The following FOXO3 variants were observed in gnomAD, a reference collection of about 807,000 sequenced individuals.
FOXO3 encodes the protein forkhead box O3.
FOXO3 carries 4 observed loss-of-function variants against 41.9 expected under a neutral mutation model. The observed-to-expected ratio is 0.10, with a 90% confidence interval of 0.05 to 0.22. The LOEUF (loss-of-function observed/expected upper bound fraction) is 0.22, where lower values mean the gene tolerates loss of function less well. Ranked by LOEUF, FOXO3 falls within the 10% of genes least tolerant of loss-of-function variation. FOXO3 has a pLI of 1.00. For synonymous variants in FOXO3, 318 were observed against 389.3 expected (o/e 0.82, Z 2.16); for missense variants, 534 against 906.8 (o/e 0.59, Z 5.28).
chr6:108,598,421 G>C (rs1025701473), intron 1 of FOXO3, among the ~76,000 whole-genome samples: 3 of 152,102 alleles, frequency 2.0e-5, no homozygotes, highest in African/African-American at 7.2e-5. Flanking sequence ...AGCAGTTGCT[G>C]AGTGATAAAC....
chr6:108,676,414 G>A (rs1770590878), intron 2 of FOXO3, among the ~76,000 whole-genome samples: 1 of 151,980 alleles, frequency 6.6e-6, no homozygotes, highest in East Asian at 1.9e-4. Context: ...ACTAGTTTTT[G>A]TATTTTTGGT....
chr6:108,594,301 C>T (rs184618783), intron 1 of FOXO3, among the ~76,000 whole-genome samples: 9 of 152,286 alleles, frequency 5.9e-5, no homozygotes, highest in Admixed American at 6.5e-5. Flanking sequence ...AGGAGAGTCC[C>T]TGTTCTTCTC....
intron 1 of FOXO3, among the ~76,000 whole-genome samples, chr6:108,589,945 A>G (rs904145597): frequency 2.0e-5 from 3 of 152,150 alleles, no homozygotes; most frequent in Admixed American, 6.5e-5. Context: ...AGCAGGTGCT[A>G]TTTTTTTCCA....
chr6:108,560,057 G>A (rs955822263), upstream of FOXO3: 1 of 152,204 alleles, frequency 6.6e-6, no homozygotes, highest in Admixed American at 6.5e-5. Context: ...CCTTCCCGGT[G>A]ACTCCGGATC....
intron 1 of FOXO3, among the ~76,000 whole-genome samples, chr6:108,583,542 C>T (rs1776488893): frequency 6.6e-6 from 1 of 152,196 alleles, no homozygotes; most frequent in African/African-American, 2.4e-5. Flanking sequence ...TTTGCAGTTT[C>T]ACCAGTCTTA....
At chr6:108,611,915 G>A (rs1045322640) in intron 1 of FOXO3, among the ~76,000 whole-genome samples, 7 of 152,052 alleles carry the variant, frequency 4.6e-5, no homozygotes, top group African/African-American at 1.7e-4. Context: ...TTAATATTTT[G>A]TATGAGTCTG....
At chr6:108,567,057 A>G (rs1192952939) in intron 1 of FOXO3, among the ~76,000 whole-genome samples, 1 of 152,208 alleles carries the variant, frequency 6.6e-6, no homozygotes, top group Non-Finnish European at 1.5e-5. Context: ...ACAGGAGTTC[A>G]TATTCTGATG....
rs572631051 is a variant in FOXO3, at chr6:108,677,983, A to G, written c.*35-1844A>G. ...AACTAAAACCTAGGGATAGACAGGA[A>G]GAAGAAAGAGGCTTCTTTTTATACT... On this transcript the variant is annotated intron_variant, in intron 2 of 2. Coordinates refer to ENST00000406360, the MANE Select transcript of FOXO3 (RefSeq NM_001455.4). 1.4e-4 allele frequency among the ~76,000 whole-genome samples: 22 copies of G among 152,336 alleles called. No individual in the cohort carries two copies. In the East Asian group the frequency reaches 4.2e-3, roughly 29 times the overall value.
At position 108,564,549 on chromosome 6, in the gene FOXO3, C is replaced by T. The variant is rs115850605; in HGVS notation, c.621+2720C>T. On this transcript the variant is annotated intron_variant, in intron 1 of 2. Coordinates refer to ENST00000406360, the MANE Select transcript of FOXO3 (RefSeq NM_001455.4). ...GCATAAAGGGCACGGTATGCAGGGC[C>T]TTACTTCTTTTCAGGCTATTTGGGC... Among the ~76,000 whole-genome samples the T allele has an allele frequency of 9.1e-3, 1,385 of 152,292 alleles. 19 individuals carry two copies. Among genetic ancestry groups the T allele is most frequent in the African/African-American group, 0.032 (1,310 of 41,560 alleles).
rs56888212 is a variant in FOXO3 at position 108,600,546 on chromosome 6, C to CAAAAA, written c.621+38740_621+38744dup. Among the ~76,000 whole-genome samples, 9 of 47,744 alleles carry CAAAAA rather than the reference C, an allele frequency of 1.9e-4. 1 individual carries two copies. The highest frequency in any genetic ancestry group is 3.1e-4 in the Non-Finnish European group (9 of 29,240). 31.3% of individuals were successfully genotyped at this position (47,744 alleles called of 152,430 possible). On this transcript the variant is annotated intron_variant, in intron 1 of 2. Transcript: ENST00000406360. ...TAGGTGACAGAGCAAGTCTCCATCTCAAAAAAAAAAAAAAAAAAAAAAAAA... is the reference window on the plus strand; with the variant it reads ...TAGGTGACAGAGCAAGTCTCCATCTCAAAAAAAAAAAAAAAAAAAAAAAAAAAAAA...
At chr6:108,598,691 T>G (rs1379316455) in intron 1 of FOXO3, among the ~76,000 whole-genome samples, 2 of 152,204 alleles carry the variant, frequency 1.3e-5, no homozygotes, top group Non-Finnish European at 2.9e-5. Context: ...TTCACCATCA[T>G]GGAAACAAAA....
At chr6:108,653,240 G>A (rs1381541957) in intron 1 of FOXO3, among the ~76,000 whole-genome samples, 1 of 152,092 alleles carries the variant, frequency 6.6e-6, no homozygotes, top group African/African-American at 2.4e-5. Flanking sequence ...CTATTTTGTG[G>A]CTCCTGCCCC....
chr6:108,588,219 T>G (rs1197176053), intron 1 of FOXO3, among the ~76,000 whole-genome samples: 1 of 152,248 alleles, frequency 6.6e-6, no homozygotes, highest in African/African-American at 2.4e-5. Flanking sequence ...TTTTTAATTA[T>G]TTTGAACTAT....
intron 1 of FOXO3, among the ~76,000 whole-genome samples, chr6:108,646,748 G>C (rs1457296922): frequency 6.6e-6 from 1 of 152,188 alleles, no homozygotes; most frequent in Non-Finnish European, 1.5e-5. Flanking sequence ...AAGAATGTCT[G>C]CTTCTTTCCT....
At position 108,574,551 on chromosome 6, in the gene FOXO3, A is replaced by G. The variant is rs1038406958; in HGVS notation, c.621+12722A>G. Reference sequence around the variant, plus strand: ...GCCAAATCAGAAATCATAATGAAAGATATTAAAATTATTTTGTGAGGTGGT... The same window carrying G: ...GCCAAATCAGAAATCATAATGAAAGGTATTAAAATTATTTTGTGAGGTGGT... On this transcript the variant is annotated intron_variant, in intron 1 of 2. Transcript: ENST00000406360. 2.0e-5 allele frequency among the ~76,000 whole-genome samples: 3 copies of G among 152,194 alleles called. No homozygotes were observed. The South Asian group carries it at 6.2e-4, about 31-fold the overall frequency.
intron 1 of FOXO3, among the ~76,000 whole-genome samples, chr6:108,580,248 G>A (rs1016491620): frequency 1.4e-5 from 2 of 145,828 alleles, no homozygotes; most frequent in East Asian, 4.0e-4. Context: ...GAGTGCAGTG[G>A]TGTGATCTCG....
At position 108,663,868 on chromosome 6, in the gene FOXO3, C is replaced by T. The variant is rs757511829; in HGVS notation, c.1035C>T (p.Pro345=). 9 of 1,613,970 alleles carry T rather than the reference C, an allele frequency of 5.6e-6. No individual in the cohort carries two copies. The African/African-American group carries it at 6.7e-5, about 12-fold the overall frequency. The change falls in exon 2 of 3, where the codon CCC becomes CCT. Residue 345 remains proline (P), a synonymous_variant. Transcript: ENST00000406360. The stretch of plus-strand genomic sequence containing the variant: ...AGGACGATGATGCGCCTCTCTCGCC[C>T]ATGCTCTACAGCAGCTCAGCCAGCC... The part of the protein sequence containing the change: ...EVQDDDAPLS[P]MLYSSSASLS...
chr6:108,605,422 AT>A (rs201943941), intron 1 of FOXO3, among the ~76,000 whole-genome samples: 15 of 151,836 alleles, frequency 9.9e-5, no homozygotes, highest in East Asian at 5.8e-4. Flanking sequence ...CAGTCCTACT[AT>A]TTTTTTTCAT....
At chr6:108,662,933 C>CT (rs1778910849) in intron 1 of FOXO3, among the ~76,000 whole-genome samples, 1 of 152,168 alleles carries the variant, frequency 6.6e-6, no homozygotes, top group Non-Finnish European at 1.5e-5. Context: ...CCCAGCATCT[C>CT]TTGGACATGA....
Sources: allele counts gnomAD v4.1 joint callset (sites outside exome capture counted in the v4.1 genomes callset), GRCh38; gene constraint gnomAD v4.1.1; transcripts MANE v1.5; gene names NCBI Gene and HGNC (gene_info 2026-07-23, HGNC 2026-07-21).